The following USP54 variants were observed in gnomAD, a reference collection of about 807,000 sequenced individuals.
USP54 encodes ubiquitin carboxyl-terminal hydrolase 54.
USP54 carries 87 observed loss-of-function variants against 170.5 expected under a neutral mutation model. The ratio of observed to expected loss-of-function variants is 0.51; its 90% CI spans 0.43 to 0.61. The LOEUF (loss-of-function observed/expected upper bound fraction) is 0.61, where lower values mean the gene tolerates loss of function less well. Ranked by LOEUF, USP54 falls within the 20% of genes least tolerant of loss-of-function variation. USP54 has a pLI of 0.00. For missense variants in USP54, 1,786 were observed against 2,047.8 expected (o/e 0.87, Z 2.47); for synonymous variants, 655 against 742.8 (o/e 0.88, Z 1.92).
chr10:73,534,693 C>T lies in USP54; in HGVS notation c.1222G>A (p.Glu408Lys), dbSNP rs766766732. 1.9e-5 allele frequency: 30 copies of T among 1,614,032 alleles called. No individual in the cohort carries two copies. The Admixed American group carries it at 4.8e-4, about 26-fold the overall frequency. Reference protein sequence around the residue: ...ESYPYKHSHHESVVSHFSSDS... With the variant: ...ESYPYKHSHHKSVVSHFSSDS... ...GAAGAGAAGTGACTGACCACAGACT[C>T]ATGGTGGGAATGTTTGTAGGGATAG... Residue 408 changes from glutamate (E) to lysine (K), a missense_variant, in exon 12 of 24, where the codon GAG (glutamate) becomes AAG (lysine). Physicochemically the swap from Glu to Lys is moderately conservative, Grantham distance 56. Around this residue, in one of 3 missense-constraint regions of USP54, gnomAD observed 1,418 missense variants for 1,569.0 expected, o/e 0.90. Coordinates refer to ENST00000687698, the MANE Select transcript of USP54 (RefSeq NM_001391956.1).
intron 19 of USP54, chr10:73,518,145 A>G (rs1258378325): frequency 1.0e-6 from 1 of 983,746 alleles, no homozygotes; most frequent in African/African-American, 1.7e-5. Context: ...CACTCATACC[A>G]AACAGCAAAA....
At chr10:73,604,528 G>A (rs1251133865) in intron 1 of USP54, among the ~76,000 whole-genome samples, 2 of 152,068 alleles carry the variant, frequency 1.3e-5, no homozygotes, top group African/African-American at 4.8e-5. Context: ...GGCTGAGGCA[G>A]GATTGCTTGA....
chr10:73,616,043 T>G (rs1288228507), intron 1 of USP54, among the ~76,000 whole-genome samples: 2 of 149,984 alleles, frequency 1.3e-5, no homozygotes, highest in Non-Finnish European at 2.9e-5. Flanking sequence ...TCGTCTCTAC[T>G]AAAAATACAG....
chr10:73,589,596 A>G (rs917042451), intron 1 of USP54, among the ~76,000 whole-genome samples: 9 of 152,220 alleles, frequency 5.9e-5, no homozygotes, highest in Non-Finnish European at 1.3e-4. Flanking sequence ...TTTATTAATC[A>G]TTATAAATAT....
intron 4 of USP54, among the ~76,000 whole-genome samples, chr10:73,569,902 CAAAAAAAAAAAAAAAAAAAAA>C (rs34676499): frequency 0.024 from 450 of 18,698 alleles, 3 homozygotes; most frequent in Middle Eastern, 0.19. Context: ...ATTTCATCTC[CAAAAAAAAAAAAAAAAAAAAA>C]AAAAAAAAAA....
chr10:73,609,020 T>C (rs2079912369), intron 1 of USP54, among the ~76,000 whole-genome samples: 1 of 152,166 alleles, frequency 6.6e-6, no homozygotes, highest in Admixed American at 6.6e-5. Flanking sequence ...AATTACAAAG[T>C]TTCTTATATC....
intron 22 of USP54, among the ~76,000 whole-genome samples, chr10:73,502,741 C>A (rs1212544936): frequency 6.6e-6 from 1 of 152,146 alleles, no homozygotes. Flanking sequence ...CACCTTAAAT[C>A]TGATGCTCTT....
chr10:73,501,854 A>T (rs1362685653), intron 22 of USP54, among the ~76,000 whole-genome samples: 1 of 152,156 alleles, frequency 6.6e-6, no homozygotes, highest in Non-Finnish European at 1.5e-5. Flanking sequence ...ATACTTTCAT[A>T]TCACTGAGAT....
At chr10:73,504,065 C>T (rs1199791690) in intron 22 of USP54, 2 of 152,274 alleles carry the variant, frequency 1.3e-5, no homozygotes, top group Non-Finnish European at 2.9e-5. Flanking sequence ...AGGAGGGAAA[C>T]TGAATCTGAA....
chr10:73,590,729 C>T (rs1017970527), intron 1 of USP54, among the ~76,000 whole-genome samples: 8 of 152,136 alleles, frequency 5.3e-5, no homozygotes, highest in Non-Finnish European at 7.3e-5. Context: ...AAGTACTTGG[C>T]AAACCATCTC....
At chr10:73,617,900 C>T (rs550227216) in intron 1 of USP54, among the ~76,000 whole-genome samples, 12 of 149,672 alleles carry the variant, frequency 8.0e-5, no homozygotes, top group Non-Finnish European at 8.8e-5. Context: ...AAGACCCTGT[C>T]TTAAGAAATA....
chr10:73,516,336 A>G lies in USP54; in HGVS notation c.4051+39T>C, dbSNP rs752671131. The G allele has an allele frequency of 3.2e-6, 5 of 1,565,086 alleles. No individual in the cohort carries two copies. The South Asian group carries it at 6.1e-5, about 19-fold the overall frequency. ...TTTCCCTGCTTTCAGCTTTTATATGATCCTCCCCCCTCCCCCCAACCCCTG... is the reference window on the plus strand; with the variant it reads ...TTTCCCTGCTTTCAGCTTTTATATGGTCCTCCCCCCTCCCCCCAACCCCTG... On this transcript the variant is annotated intron_variant, in intron 20 of 23. Transcript: ENST00000687698.
intron 4 of USP54, among the ~76,000 whole-genome samples, chr10:73,555,673 G>A (rs537683225): frequency 1.3e-5 from 2 of 152,254 alleles, no homozygotes; most frequent in Non-Finnish European, 2.9e-5. Flanking sequence ...GATCAAAACT[G>A]CAAGACTCTT....
At chr10:73,536,538 G>T in intron 10 of USP54, 101 bp from the exon 11 acceptor site, 1 of 1,312,982 alleles carries the variant, frequency 7.6e-7, no homozygotes. Flanking sequence ...TAAAAGAGAT[G>T]AAAAGATAAG....
intron 4 of USP54, among the ~76,000 whole-genome samples, chr10:73,566,783 A>G (rs531778505): frequency 6.6e-6 from 1 of 152,204 alleles, no homozygotes; most frequent in African/African-American, 2.4e-5. Flanking sequence ...GGAAATGACT[A>G]CCACAAACAT....
chr10:73,593,506 T>C (rs1208989050), upstream of USP54, among the ~76,000 whole-genome samples: 2 of 152,126 alleles, frequency 1.3e-5, no homozygotes, highest in Non-Finnish European at 2.9e-5. Flanking sequence ...AGGGTTTTAG[T>C]TTAAATGTTC....
intron 3 of USP54, among the ~76,000 whole-genome samples, chr10:73,573,272 CAGAGTG>C (rs1245268654): frequency 2.0e-5 from 3 of 151,996 alleles, no homozygotes; most frequent in Non-Finnish European, 4.4e-5. Flanking sequence ...GCCTTGGCAA[CAGAGTG>C]AGACCTCTGG....
intron 22 of USP54, chr10:73,504,625 A>C: frequency 1.7e-6 from 1 of 601,828 alleles, no homozygotes; most frequent in Non-Finnish European, 2.9e-6. Flanking sequence ...GAAACCCTAC[A>C]ACACGCACGG....
intron 1 of USP54, among the ~76,000 whole-genome samples, chr10:73,584,727 T>G (rs760488176): frequency 1.6e-4 from 24 of 152,206 alleles, no homozygotes; most frequent in Non-Finnish European, 2.9e-4. Context: ...AAACACATTT[T>G]CCCTAAAAAT....
Sources: allele counts gnomAD v4.1 joint callset (sites outside exome capture counted in the v4.1 genomes callset), GRCh38; gene constraint gnomAD v4.1.1; regional missense constraint gnomAD v4.1.1; transcripts MANE v1.5; gene names NCBI Gene and HGNC (gene_info 2026-07-23, HGNC 2026-07-21).